The following USP22 variants were observed in gnomAD, a reference collection of about 807,000 sequenced individuals.
USP22 encodes ubiquitin carboxyl-terminal hydrolase 22.
Under a neutral mutation model 68.1 loss-of-function variants are expected in USP22, and 22 were observed. The ratio of observed to expected loss-of-function variants is 0.32; its 90% CI spans 0.23 to 0.46. The LOEUF is 0.46. USP22 is among the 20% of genes least tolerant of loss of function. USP22 has a pLI of 1.00. For synonymous variants in USP22, 279 were observed against 274.2 expected, an observed-to-expected ratio of 1.02 and a Z score of -0.17; for missense variants, 433 against 695.8, an observed-to-expected ratio of 0.62 and a Z score of 4.25.
intron 8 of USP22, among the ~76,000 whole-genome samples, chr17:21,009,069 C>A (rs968038835): frequency 8.8e-6 from 1 of 113,586 alleles, no homozygotes; most frequent in Admixed American, 1.2e-4. Flanking sequence ...CCAGCCTGGG[C>A]AACAAGAGCA....
intron 10 of USP22, 111 bp from the exon 11 acceptor site, chr17:21,005,101 G>T: frequency 1.2e-5 from 14 of 1,207,956 alleles, no homozygotes; most frequent in East Asian, 2.4e-5. Context: ...ATGCTGCACC[G>T]AGGTGCACTT....
At chr17:21,010,335 G>A (rs1913915863) in intron 8 of USP22, among the ~76,000 whole-genome samples, 1 of 152,136 alleles carries the variant, frequency 6.6e-6, no homozygotes, top group South Asian at 2.1e-4. Flanking sequence ...ATTTTAGGAA[G>A]GTTTTCTGCT....
intron 1 of USP22, among the ~76,000 whole-genome samples, chr17:21,038,881 G>C (rs1194683611): frequency 1.3e-5 from 2 of 152,048 alleles, no homozygotes; most frequent in African/African-American, 4.8e-5. Context: ...TAAGAAATTT[G>C]TTATATTTAA....
chr17:21,029,569 A>C (rs1036604064), intron 1 of USP22, among the ~76,000 whole-genome samples: 1 of 152,254 alleles, frequency 6.6e-6, no homozygotes, highest in Admixed American at 6.5e-5. Context: ...TCATCAGTAG[A>C]TGCTAGAACC....
intron 1 of USP22, among the ~76,000 whole-genome samples, chr17:21,040,675 T>C (rs1972416448): frequency 6.6e-6 from 1 of 151,982 alleles, no homozygotes. Context: ...ACTTGACTCC[T>C]TCTATTTGGT....
rs929266252 is a variant in USP22, at chr17:21,042,919, G to T, written c.-84C>A. On this transcript the variant is annotated 5_prime_UTR_variant, in exon 1 of 13. Transcript: ENST00000261497. ...AGCGCGGCGTGGGGGCTGCTCGGCG[G>T]CTGGCCAGGCTGGCCAAGGCCCGGG... 1.1e-6 allele frequency: 1 copy of T among 912,280 alleles called. No homozygotes were observed. Among genetic ancestry groups the T allele is most frequent in the Non-Finnish European group, 1.4e-6 (1 of 707,068 alleles). 56.5% of individuals were successfully genotyped at this position (912,280 alleles called of 1,614,324 possible). A position where few individuals can be genotyped will look rare whatever the true frequency, so the allele number is the denominator to read the frequency against.
At position 21,000,770 on chromosome 17, in the gene USP22, G is replaced by A. The variant is rs1913541296; in HGVS notation, c.*2261C>T. The A allele has an allele frequency of 6.6e-6, 1 of 152,262 alleles. No homozygotes were observed. The highest frequency in any genetic ancestry group is 2.4e-5 in the African/African-American group (1 of 41,454). The allele number at this position is 152,262 out of a possible 1,614,324, so 9.4% of individuals were successfully genotyped here. ...CCATTAGATTTGTTCCTAATTAAAA[G>A]ACCACTCATAGGCCAGGTGCGGTGG... On this transcript the variant is annotated 3_prime_UTR_variant, in exon 13 of 13. Coordinates refer to ENST00000261497, the MANE Select transcript of USP22 (RefSeq NM_015276.2).
chr17:21,042,489 G>A (rs572555497), intron 1 of USP22, among the ~76,000 whole-genome samples, 176 bp downstream of exon 1: 2 of 138,442 alleles, frequency 1.4e-5, no homozygotes, highest in Non-Finnish European at 1.6e-5. Flanking sequence ...GTTGAGGGGG[G>A]AAGGAAAGGA....
chr17:21,015,358 G>A (rs905040418), intron 6 of USP22, among the ~76,000 whole-genome samples: 1 of 152,168 alleles, frequency 6.6e-6, no homozygotes, highest in African/African-American at 2.4e-5. Context: ...CAATGGGAAG[G>A]AGACAGTTGG....
intron 1 of USP22, among the ~76,000 whole-genome samples, chr17:21,030,723 G>A (rs1204226622): frequency 1.3e-5 from 2 of 152,108 alleles, no homozygotes; most frequent in Non-Finnish European, 2.9e-5. Flanking sequence ...TTAATGTAAT[G>A]AAAGAAAAAT....
chr17:21,036,520 AGG>A lies in USP22; in HGVS notation c.171+6143_171+6144del, dbSNP rs576667414. 5.5e-4 allele frequency among the ~76,000 whole-genome samples: 39 copies of A among 70,762 alleles called. 1 individual carries two copies. The highest frequency in any genetic ancestry group is 2.1e-3 in the African/African-American group (36 of 17,476). 46.4% of individuals were successfully genotyped at this position (70,762 alleles called of 152,430 possible). ...AACTGTAACTGAGCACTGTACTGTA[AGG>A]GGGGGGGGGGTCAAGTCATTTCCCA... On this transcript the variant is annotated intron_variant, in intron 1 of 12. Transcript: ENST00000261497.
chr17:21,020,244 C>CAAAAAAAAAAAAAAAAAACAAAAAA (rs1972136721), intron 3 of USP22, among the ~76,000 whole-genome samples: 1 of 73,252 alleles, frequency 1.4e-5, no homozygotes, highest in East Asian at 6.4e-4. Flanking sequence ...AATCAAAAAC[C>CAAAAAAAAAAAAAAAAAACAAAAAA]AAAAAAAAAA....
chr17:21,023,108 A>G (rs1454443127), intron 2 of USP22, among the ~76,000 whole-genome samples: 3 of 152,302 alleles, frequency 2.0e-5, no homozygotes, highest in South Asian at 2.1e-4. Context: ...GTTCTCACTT[A>G]TAAGTGGGAG....
In USP22 at chr17:21,003,599, A is replaced by G. The variant is rs1913670313; in HGVS notation, c.1536-526T>C. Reference sequence around the variant, plus strand: ...AAGGAATGAAACTGGAAAGGAGAGGAGCTGATAAAGAACTGATGTGGGCCG... The same window carrying G: ...AAGGAATGAAACTGGAAAGGAGAGGGGCTGATAAAGAACTGATGTGGGCCG... On this transcript the variant is annotated intron_variant, in intron 12 of 12. Coordinates refer to ENST00000261497, the MANE Select transcript of USP22 (RefSeq NM_015276.2). Among the ~76,000 whole-genome samples the G allele has an allele frequency of 2.0e-5, 3 of 152,200 alleles. No homozygotes were observed. The South Asian group carries it at 6.2e-4, about 32-fold the overall frequency.
chr17:21,008,475 C>T (rs372602801), intron 8 of USP22, among the ~76,000 whole-genome samples: 7 of 152,244 alleles, frequency 4.6e-5, no homozygotes, highest in Admixed American at 6.5e-5. Context: ...ACCCTGGATG[C>T]GTCCCCAGAG....
intron 8 of USP22, among the ~76,000 whole-genome samples, chr17:21,010,026 C>T (rs1913904038): frequency 6.6e-6 from 1 of 151,672 alleles, no homozygotes; most frequent in Non-Finnish European, 1.5e-5. Context: ...ACCTATAGTC[C>T]CAACTACTCA....
rs549704830 is a variant in USP22, at chr17:21,031,955, A to G, written c.172-3281T>C. 2.6e-5 allele frequency among the ~76,000 whole-genome samples: 4 copies of G among 152,402 alleles called. No homozygotes were observed. The East Asian group carries it at 7.7e-4, about 29-fold the overall frequency. On this transcript the variant is annotated intron_variant, in intron 1 of 12. Transcript: ENST00000261497. ...TAAATACAGAAAACAGCTGTCTCTG[A>G]CATACTGATAAAACCTCAATCTTAT...
At chr17:21,039,948 T>C (rs1597703486) in intron 1 of USP22, among the ~76,000 whole-genome samples, 2 of 152,306 alleles carry the variant, frequency 1.3e-5, no homozygotes, top group South Asian at 4.1e-4. Flanking sequence ...CTCTGGCCTG[T>C]AATCCCAGCA....
At chr17:21,033,502 A>AGAG (rs1401796060) in intron 1 of USP22, among the ~76,000 whole-genome samples, 1 of 152,130 alleles carries the variant, frequency 6.6e-6, no homozygotes, top group Non-Finnish European at 1.5e-5. Flanking sequence ...CAAGAGGGGC[A>AGAG]GAGCCCTTGT....
Sources: allele counts gnomAD v4.1 joint callset (sites outside exome capture counted in the v4.1 genomes callset), GRCh38; gene constraint gnomAD v4.1.1; transcripts MANE v1.5; gene names NCBI Gene and HGNC (gene_info 2026-07-23, HGNC 2026-07-21).